AK5: variants seen among roughly 807,000 people sequenced by gnomAD.
AK5 encodes the protein adenylate kinase 5.
A neutral mutation model predicts 69.5 loss-of-function variants in AK5; 27 were observed. The ratio of observed to expected loss-of-function variants is 0.39; its 90% CI spans 0.29 to 0.54. AK5 has a LOEUF of 0.54. AK5 is among the 20% of genes least tolerant of loss of function. AK5 has a pLI of 0.71. For synonymous variants in AK5, 260 were observed against 244.4 expected (o/e 1.06, Z -0.60); for missense variants, 531 against 700.4 (o/e 0.76, Z 2.73).
intron 10 of AK5, among the ~76,000 whole-genome samples, chr1:77,496,285 G>C (rs1045803814): frequency 2.0e-5 from 3 of 152,190 alleles, no homozygotes; most frequent in Non-Finnish European, 4.4e-5. Context: ...ATGGGAAGTG[G>C]TAAGAGCAGA....
At chr1:77,367,610 A>ATATATATTTT (rs1557532968) in intron 6 of AK5, among the ~76,000 whole-genome samples, 1 of 55,412 alleles carries the variant, frequency 1.8e-5, no homozygotes, top group Non-Finnish European at 3.0e-5. Context: ...ATATATATGT[A>ATATATATTTT]ATATATATGT....
At chr1:77,297,469 G>T in intron 3 of AK5, 90 bp from the exon 4 acceptor site, 1 of 1,265,594 alleles carries the variant, frequency 7.9e-7, no homozygotes, top group Non-Finnish European at 1.1e-6. Flanking sequence ...TGGTGACACA[G>T]AATTTGCATC....
intron 7 of AK5, among the ~76,000 whole-genome samples, chr1:77,414,050 T>C (rs1306146910): frequency 6.6e-6 from 1 of 152,198 alleles, no homozygotes; most frequent in African/African-American, 2.4e-5. Context: ...CAGGCACTTA[T>C]AGGAGACATT....
chr1:77,288,757 G>T (rs569118706), intron 2 of AK5, among the ~76,000 whole-genome samples: 1 of 152,194 alleles, frequency 6.6e-6, no homozygotes, highest in South Asian at 2.1e-4. Flanking sequence ...TGTTATAACG[G>T]ACCAAAAAAC....
Position 77,549,407 on chromosome 1 carries a change from G to C in AK5, c.1621-9195G>C, listed in dbSNP as rs183687253. ...ATGTTAGGATCACGTCAGGGTAAAT[G>C]AGGTATCTATCACCTCAAGCGTTTG... On this transcript the variant is annotated intron_variant, in intron 13 of 13. Coordinates refer to ENST00000354567, the MANE Select transcript of AK5 (RefSeq NM_174858.3). Among the ~76,000 whole-genome samples, 137 of 152,208 alleles carry C rather than the reference G, an allele frequency of 9.0e-4. 2 individuals are homozygous for C. The highest frequency in any genetic ancestry group is 2.9e-3 in the African/African-American group (121 of 41,538).
chr1:77,539,972 A>G (rs1407813536), intron 13 of AK5, among the ~76,000 whole-genome samples: 1 of 152,182 alleles, frequency 6.6e-6, no homozygotes, highest in Non-Finnish European at 1.5e-5. Flanking sequence ...TTTAGGAATT[A>G]AAGCCACAGG....
chr1:77,321,472 C>T (rs1032771719), intron 5 of AK5, among the ~76,000 whole-genome samples: 2 of 131,250 alleles, frequency 1.5e-5, no homozygotes, highest in African/African-American at 5.6e-5. Flanking sequence ...GACTCCGTCT[C>T]AAAAAAAAAA....
chr1:77,525,793 T>G (rs1199718191), intron 12 of AK5, among the ~76,000 whole-genome samples: 1 of 152,212 alleles, frequency 6.6e-6, no homozygotes, highest in Admixed American at 6.5e-5. Context: ...GGACTGTCTA[T>G]TCTATTGGTC....
rs760020710 is a variant in AK5 at position 77,423,219 on chromosome 1, TA to T, written c.1059+5515del. Among the ~76,000 whole-genome samples the T allele has an allele frequency of 7.9e-5, 7 of 88,706 alleles. No individual in the cohort carries two copies. The South Asian group carries it at 1.6e-3, about 21-fold the overall frequency. The allele number at this position is 88,706 out of a possible 152,430, so 58.2% of individuals were successfully genotyped here. On this transcript the variant is annotated intron_variant, in intron 8 of 13. Coordinates refer to ENST00000354567, the MANE Select transcript of AK5 (RefSeq NM_174858.3). ...CTGGGCAACAGAGCAAGACTCCGTC[TA>T]AAAAAAAAAATAAAAAAAAAAGAAG...
intron 6 of AK5, among the ~76,000 whole-genome samples, chr1:77,357,574 G>A (rs1314725025): frequency 6.6e-6 from 1 of 152,148 alleles, no homozygotes; most frequent in East Asian, 1.9e-4. Flanking sequence ...ATGCAAATAT[G>A]TTTTAGGAAG....
chr1:77,304,149 G>A (rs373245764), intron 5 of AK5, among the ~76,000 whole-genome samples: 5 of 151,718 alleles, frequency 3.3e-5, no homozygotes, highest in Admixed American at 2.0e-4. Context: ...TCCACCCCCC[G>A]ACACATCCGC....
Sources: gnomAD v4.1 joint callset for allele counts (sites outside exome capture counted in the v4.1 genomes callset) on GRCh38, gnomAD v4.1.1 for gene constraint, MANE v1.5 for transcripts, NCBI Gene and HGNC (gene_info 2026-07-23, HGNC 2026-07-21) for gene names.